LPGAT1: variants seen among roughly 807,000 people sequenced by gnomAD.
LPGAT1 encodes lysophosphatidylglycerol acyltransferase 1.
A neutral mutation model predicts 47.5 loss-of-function variants in LPGAT1; 11 were observed. That is an observed-to-expected ratio of 0.23 (90% confidence interval 0.15 to 0.38). The LOEUF (loss-of-function observed/expected upper bound fraction) is 0.38. Ranked by LOEUF, LPGAT1 falls within the 10% of genes least tolerant of loss-of-function variation. LPGAT1 has a pLI of 1.00. For synonymous variants in LPGAT1, 138 were observed against 144.2 expected (o/e 0.96, Z 0.31); for missense variants, 293 against 439.0 (o/e 0.67, Z 2.97).
rs894424503 is a variant in LPGAT1, at chr1:211,744,839, G to A, written c.*5060C>T. ...TTTAAACCAAAGAAGGAAGTCTGAT[G>A]TTTTTTCATTTGGTTTTTCAGTTTG... On this transcript the variant is annotated 3_prime_UTR_variant, in exon 8 of 8. Coordinates refer to ENST00000366997, the MANE Select transcript of LPGAT1 (RefSeq NM_014873.3). 3.9e-5 allele frequency: 6 copies of A among 152,582 alleles called. No homozygotes were observed. Among genetic ancestry groups the A allele is most frequent in the African/African-American group, 1.4e-4 (6 of 41,428 alleles). 9.5% of individuals were successfully genotyped at this position (152,582 alleles called of 1,614,324 possible).
intron 2 of LPGAT1, among the ~76,000 whole-genome samples, chr1:211,797,056 G>A (rs1659379736): frequency 6.6e-6 from 1 of 152,042 alleles, no homozygotes; most frequent in Non-Finnish European, 1.5e-5. Context: ...AGGAGTTCGG[G>A]ACCAGCCTGG....
chr1:211,797,891 T>C (rs1213579355), intron 2 of LPGAT1, among the ~76,000 whole-genome samples: 1 of 152,184 alleles, frequency 6.6e-6, no homozygotes, highest in Non-Finnish European at 1.5e-5. Context: ...ATTTTCTAAT[T>C]GTAATAAATT....
chr1:211,752,614 C>A (rs1442828622), intron 6 of LPGAT1, among the ~76,000 whole-genome samples: 1 of 150,532 alleles, frequency 6.6e-6, no homozygotes, highest in African/African-American at 2.4e-5. Context: ...GACAGTTACA[C>A]CTTCGGTGGG....
chr1:211,797,627 C>A (rs1204601616), intron 2 of LPGAT1, among the ~76,000 whole-genome samples: 2 of 152,132 alleles, frequency 1.3e-5, no homozygotes, highest in Non-Finnish European at 2.9e-5. Context: ...CAATTTATTA[C>A]ACAGATGAAG....
intron 6 of LPGAT1, among the ~76,000 whole-genome samples, chr1:211,778,210 C>T (rs183043074): frequency 3.9e-4 from 60 of 151,988 alleles, no homozygotes; most frequent in Non-Finnish European, 1.0e-4. Context: ...GGCATGGTGG[C>T]GGGCGCCTGT....
chr1:211,769,569 A>G (rs549145254), intron 6 of LPGAT1, among the ~76,000 whole-genome samples: 6 of 152,312 alleles, frequency 3.9e-5, no homozygotes, highest in Middle Eastern at 3.4e-3. Context: ...GGAATAAAAG[A>G]ATGGCTACTC....
intron 2 of LPGAT1, among the ~76,000 whole-genome samples, chr1:211,797,383 G>T (rs1005250215): frequency 6.8e-6 from 1 of 147,500 alleles, no homozygotes; most frequent in African/African-American, 2.5e-5. Context: ...CTCCCAAGGT[G>T]CTGGGATGAC....
At chr1:211,759,665 C>T (rs1159497321) in intron 6 of LPGAT1, among the ~76,000 whole-genome samples, 1 of 152,114 alleles carries the variant, frequency 6.6e-6, no homozygotes, top group African/African-American at 2.4e-5. Flanking sequence ...TAAATCCTTC[C>T]TATGCATAGA....
At chr1:211,821,388 A>G (rs908414808) in intron 2 of LPGAT1, among the ~76,000 whole-genome samples, 6 of 152,252 alleles carry the variant, frequency 3.9e-5, no homozygotes, top group Non-Finnish European at 7.3e-5. Flanking sequence ...CCAAAGAATG[A>G]CTCTGCACAA....
At chr1:211,827,287 A>G (rs977344097) in intron 2 of LPGAT1, among the ~76,000 whole-genome samples, 1 of 152,234 alleles carries the variant, frequency 6.6e-6, no homozygotes, top group East Asian at 1.9e-4. Flanking sequence ...GCAGGTGGCA[A>G]AAGAAATTAC....
In LPGAT1 at chr1:211,746,571, T is replaced by C. The variant is rs979544291; in HGVS notation, c.*3328A>G. 5.9e-5 allele frequency: 9 copies of C among 152,232 alleles called. No homozygotes were observed. Among genetic ancestry groups the C allele is most frequent in the African/African-American group, 2.2e-4 (9 of 41,456 alleles). The allele number at this position is 152,232 out of a possible 1,614,324, so 9.4% of individuals were successfully genotyped here. ...AAATAAAAGTAATTTTTGATTTACC[T>C]ATCATTTATTACCAGATTATCTATC... On this transcript the variant is annotated 3_prime_UTR_variant, in exon 8 of 8. Coordinates refer to ENST00000366997, the MANE Select transcript of LPGAT1 (RefSeq NM_014873.3).
At chr1:211,814,911 T>C (rs764398962) in intron 2 of LPGAT1, among the ~76,000 whole-genome samples, 1 of 152,152 alleles carries the variant, frequency 6.6e-6, no homozygotes, top group Admixed American at 6.5e-5. Flanking sequence ...TCTTGGAAAA[T>C]GTAAATAAAT....
chr1:211,777,436 T>C (rs1221315058), intron 6 of LPGAT1, among the ~76,000 whole-genome samples: 1 of 152,128 alleles, frequency 6.6e-6, no homozygotes, highest in Non-Finnish European at 1.5e-5. Context: ...GTCTTTCACA[T>C]GGAAACATAG....
Position 211,830,397 on chromosome 1 carries a change from G to T in LPGAT1, c.-28+176C>A. On this transcript the variant is annotated intron_variant, in intron 1 of 7. Coordinates refer to ENST00000366997, the MANE Select transcript of LPGAT1 (RefSeq NM_014873.3). This position sits in a 1 kb window ranked among gnomAD's most constrained non-coding sequence, Gnocchi z 5.9. Reference sequence around the variant, plus strand: ...TCACCCGGGCGGGTCCCGGGGAGGCGGGCGGATGCCCCGCGCCCCCGCCTC... The same window carrying T: ...TCACCCGGGCGGGTCCCGGGGAGGCTGGCGGATGCCCCGCGCCCCCGCCTC... 1 of 1,173,674 alleles carries T rather than the reference G, an allele frequency of 8.5e-7. No individual in the cohort carries two copies. Among genetic ancestry groups the T allele is most frequent in the Non-Finnish European group, 1.1e-6 (1 of 950,552 alleles). The allele number at this position is 1,173,674 out of a possible 1,614,324, so 72.7% of individuals were successfully genotyped here. A position where few individuals can be genotyped will look rare whatever the true frequency, so the allele number is the denominator to read the frequency against.
At chr1:211,817,425 A>G (rs1044178886) in intron 2 of LPGAT1, among the ~76,000 whole-genome samples, 2 of 152,068 alleles carry the variant, frequency 1.3e-5, no homozygotes, top group African/African-American at 4.8e-5. Flanking sequence ...TACAAAAATT[A>G]GCCGGGCATG....
chr1:211,754,533 G>A (rs941928840), intron 6 of LPGAT1, among the ~76,000 whole-genome samples: 8 of 152,022 alleles, frequency 5.3e-5, no homozygotes, highest in East Asian at 1.9e-4. Flanking sequence ...GTAAACATAA[G>A]TCCAATCTAC....
rs370826685 is a variant in LPGAT1, at chr1:211,783,521, C to G, written c.454-19G>C. 1 of 1,603,682 alleles carries G rather than the reference C, an allele frequency of 6.2e-7. No homozygotes were observed. Among genetic ancestry groups the G allele is most frequent in the East Asian group, 2.2e-5 (1 of 44,712 alleles). ...ATCTTCCCTAGAAGGTACACACACA[C>G]GTAATAAGTACAGGTATATCCAAAA... On this transcript the variant is annotated intron_variant, in intron 4 of 7. Transcript: ENST00000366997.
At position 211,830,568 on chromosome 1, in the gene LPGAT1, G is replaced by A; in HGVS notation, c.-28+5C>T. The A allele has an allele frequency of 8.3e-7, 1 of 1,208,406 alleles. No individual in the cohort carries two copies. The highest frequency in any genetic ancestry group is 1.0e-6 in the Non-Finnish European group (1 of 972,768). 74.9% of individuals were successfully genotyped at this position (1,208,406 alleles called of 1,614,324 possible). On this transcript the variant is annotated splice_donor_5th_base_variant and intron_variant, in intron 1 of 7. Transcript: ENST00000366997. This position sits in a 1 kb window ranked among gnomAD's most constrained non-coding sequence, Gnocchi z 5.9. ...GGGGCCTGCGACCGCGGAGCCGGAG[G>A]TTACCTCGGGCTGGCCGGGCCCCAG...
Position 211,744,625 on chromosome 1 carries a change from C to T in LPGAT1, c.*5274G>A, listed in dbSNP as rs1656869036. ...TAAGTATACTGTGAGAATCAACTGG[C>T]TATATGGGATTTACAATAAAGTATT... On this transcript the variant is annotated 3_prime_UTR_variant, in exon 8 of 8. Coordinates refer to ENST00000366997, the MANE Select transcript of LPGAT1 (RefSeq NM_014873.3). The T allele has an allele frequency of 6.6e-6, 1 of 152,090 alleles. No individual in the cohort carries two copies. The highest frequency in any genetic ancestry group is 1.5e-5 in the Non-Finnish European group (1 of 68,010). The allele number at this position is 152,090 out of a possible 1,614,324, so 9.4% of individuals were successfully genotyped here.
Sources: gnomAD v4.1 joint callset for allele counts (sites outside exome capture counted in the v4.1 genomes callset) on GRCh38, gnomAD v4.1.1 for gene constraint, Gnocchi (gnomAD v3.1) non-coding constraint, MANE v1.5 for transcripts, NCBI Gene and HGNC (gene_info 2026-07-23, HGNC 2026-07-21) for gene names.